The following RPS6KC1 variants were observed in gnomAD, a reference collection of about 807,000 sequenced individuals.
The protein encoded by RPS6KC1 is inactive ribosomal protein S6 kinase delta-1.
Under a neutral mutation model 103.8 loss-of-function variants are expected in RPS6KC1, and 54 were observed. The ratio of observed to expected loss-of-function variants is 0.52; its 90% CI spans 0.42 to 0.65. The LOEUF (loss-of-function observed/expected upper bound fraction) is 0.65. Ranked by LOEUF, RPS6KC1 falls within the 30% of genes least tolerant of loss-of-function variation. The pLI is 0.00. For missense variants in RPS6KC1, 1,151 were observed against 1,253.8 expected (o/e 0.92, Z 1.24); for synonymous variants, 439 against 438.7 (o/e 1.00, Z -0.01).
At chr1:213,608,630 T>A in the RPS6KC1 span, among the ~76,000 whole-genome samples, 1 of 150,422 alleles carries the variant, frequency 6.6e-6, no homozygotes, top group Non-Finnish European at 1.5e-5. Context: ...TCCTGATCAC[T>A]GTAGGAAAAA....
intron 6 of RPS6KC1, among the ~76,000 whole-genome samples, chr1:213,156,343 A>G (rs776163319): frequency 4.6e-5 from 7 of 152,222 alleles, no homozygotes; most frequent in Non-Finnish European, 1.0e-4. Context: ...AAAAATTAAA[A>G]AAAAGGACTT....
intron 8 of RPS6KC1, among the ~76,000 whole-genome samples, chr1:213,186,908 G>C (rs111660022): frequency 1.3e-5 from 2 of 152,236 alleles, no homozygotes; most frequent in African/African-American, 4.8e-5. Context: ...GAAGACTTCT[G>C]TTTGATTTTT....
intron 8 of RPS6KC1, among the ~76,000 whole-genome samples, chr1:213,197,306 TC>T (rs1202279158): frequency 6.6e-6 from 1 of 152,194 alleles, no homozygotes. Flanking sequence ...ACTCTTTTTT[TC>T]TAGTTCTGTG....
chr1:213,225,452 C>T (rs139436815), intron 8 of RPS6KC1, among the ~76,000 whole-genome samples: 60 of 151,910 alleles, frequency 3.9e-4, no homozygotes, highest in African/African-American at 1.4e-3. Context: ...TGGAGTGGCG[C>T]GATCTCAATT....
the RPS6KC1 span, among the ~76,000 whole-genome samples, chr1:213,722,842 C>G: frequency 2.6e-5 from 4 of 152,304 alleles, no homozygotes; most frequent in Middle Eastern, 3.4e-3. Flanking sequence ...TCTGAAAACT[C>G]TTTCCAGTCC....
the RPS6KC1 span, among the ~76,000 whole-genome samples, chr1:213,665,010 G>A: frequency 6.6e-6 from 1 of 151,992 alleles, no homozygotes; most frequent in Non-Finnish European, 1.5e-5. Context: ...GAATTAATGA[G>A]GTTTTGGATC....
At chr1:213,726,872 A>G in the RPS6KC1 span, among the ~76,000 whole-genome samples, 7 of 152,254 alleles carry the variant, frequency 4.6e-5, no homozygotes, top group Non-Finnish European at 7.3e-5. Context: ...TAGAATAGCT[A>G]TGGGATGATG....
chr1:213,743,387 TGAAA>T, the RPS6KC1 span, among the ~76,000 whole-genome samples: 1 of 151,804 alleles, frequency 6.6e-6, no homozygotes, highest in Non-Finnish European at 1.5e-5. Flanking sequence ...TACTAGAAGA[TGAAA>T]GAAAGGAGAG....
the RPS6KC1 span, among the ~76,000 whole-genome samples, chr1:213,563,145 A>T: frequency 6.6e-6 from 1 of 152,024 alleles, no homozygotes; most frequent in African/African-American, 2.4e-5. Context: ...TATATTTCAG[A>T]GTTATGTTAT....
chr1:213,178,007 T>C (rs948456416), intron 8 of RPS6KC1, among the ~76,000 whole-genome samples: 1 of 150,758 alleles, frequency 6.6e-6, no homozygotes, highest in African/African-American at 2.4e-5. Context: ...AGTTTGAGAC[T>C]ATCTGGGCAA....
At chr1:213,572,751 A>G in the RPS6KC1 span, among the ~76,000 whole-genome samples, 3 of 152,306 alleles carry the variant, frequency 2.0e-5, no homozygotes, top group Admixed American at 6.5e-5. Context: ...TGTTAGGGAG[A>G]TGAAGGCTTT....
chr1:213,354,557 A>G, the RPS6KC1 span, among the ~76,000 whole-genome samples: 100 of 152,322 alleles, frequency 6.6e-4, 1 homozygote, highest in Non-Finnish European at 1.2e-4. Context: ...AAGAAAAGGA[A>G]TTTATTTCTT....
chr1:213,216,625 A>G (rs538352849), intron 8 of RPS6KC1, among the ~76,000 whole-genome samples: 11 of 152,330 alleles, frequency 7.2e-5, no homozygotes, highest in African/African-American at 2.6e-4. Context: ...TTGGAAGTAA[A>G]GCTCTCCTCA....
intron 3 of RPS6KC1, among the ~76,000 whole-genome samples, chr1:213,082,976 C>T (rs145763867): frequency 3.9e-4 from 60 of 152,290 alleles, no homozygotes; most frequent in African/African-American, 1.4e-3. Flanking sequence ...GTGTAAGCCT[C>T]TGCCAACTCA....
chr1:213,426,222 G>C, the RPS6KC1 span, among the ~76,000 whole-genome samples: 1 of 152,100 alleles, frequency 6.6e-6, no homozygotes, highest in African/African-American at 2.4e-5. Context: ...CCTTGTGTCT[G>C]GTATTGTGTT....
chr1:213,537,954 AC>A, the RPS6KC1 span, among the ~76,000 whole-genome samples: 1 of 152,128 alleles, frequency 6.6e-6, no homozygotes, highest in South Asian at 2.1e-4. Context: ...TAAGGCAGGG[AC>A]CTCATTGTAG....
intron 8 of RPS6KC1, among the ~76,000 whole-genome samples, chr1:213,219,542 A>T (rs2841431): frequency 2.6e-5 from 4 of 152,184 alleles, no homozygotes; most frequent in Admixed American, 2.6e-4. Context: ...ACATGCTGCT[A>T]TAAAGACACA....
the RPS6KC1 span, among the ~76,000 whole-genome samples, chr1:213,553,373 G>A: frequency 6.6e-6 from 1 of 152,152 alleles, no homozygotes; most frequent in Admixed American, 6.6e-5. Context: ...ATCCCATGGT[G>A]TATATTTACC....
chr1:213,622,662 C>T, the RPS6KC1 span, among the ~76,000 whole-genome samples: 1 of 152,088 alleles, frequency 6.6e-6, no homozygotes, highest in African/African-American at 2.4e-5. Flanking sequence ...CTGGGCATTC[C>T]CTCCCCCTGA....
Sources: gnomAD v4.1 joint callset for allele counts (sites outside exome capture counted in the v4.1 genomes callset) on GRCh38, gnomAD v4.1.1 for gene constraint, MANE v1.5 for transcripts, NCBI Gene and HGNC (gene_info 2026-07-23, HGNC 2026-07-21) for gene names.